ADAP1: variants seen among roughly 807,000 people sequenced by gnomAD.
ADAP1 encodes the protein ArfGAP with dual PH domains 1.
ADAP1 carries 31 observed loss-of-function variants against 54.9 expected under a neutral mutation model. The ratio of observed to expected loss-of-function variants is 0.56; its 90% confidence interval spans 0.42 to 0.76. The LOEUF is 0.76. Among genes scored for constraint, ADAP1 ranks in the 30% least tolerant of loss-of-function variants. The probability of loss-of-function intolerance (pLI) is 0.00; values close to 1 mark genes in which losing one functional copy is unlikely to be tolerated. For synonymous variants in ADAP1, 313 were observed against 202.6 expected (o/e 1.55, Z -4.63); for missense variants, 535 against 512.4 (o/e 1.04, Z -0.42).
intron 4 of ADAP1, among the ~76,000 whole-genome samples, chr7:906,741 GTACAT>G (rs1845448319): frequency 3.7e-5 from 1 of 26,974 alleles, no homozygotes; most frequent in African/African-American, 1.8e-4. Context: ...GGGGGACAGA[GTACAT>G]AGGGGACATG....
intron 1 of ADAP1, among the ~76,000 whole-genome samples, chr7:942,858 G>C (rs371408684): frequency 1.8e-4 from 2 of 11,034 alleles, no homozygotes; most frequent in Non-Finnish European, 1.9e-4. Flanking sequence ...AAGGGAGAGA[G>C]GAGGAGGAAG....
chr7:941,095 A>C (rs189832916), intron 1 of ADAP1, among the ~76,000 whole-genome samples: 13 of 152,342 alleles, frequency 8.5e-5, no homozygotes, highest in Admixed American at 5.9e-4. Context: ...AGATGCAAAA[A>C]ATGTTGGCAA....
Position 946,962 on chromosome 7 carries a change from C to T in ADAP1, c.82+7434G>A, listed in dbSNP as rs533500725. ...GCCTGGGCAACATAGTGAGACACCG[C>T]GACTCCATCCTTATGAAAAAATTTT... On this transcript the variant is annotated intron_variant, in intron 1 of 10. Transcript: ENST00000265846. The surrounding 1 kb of genome is among the most constrained non-coding windows in gnomAD (Gnocchi z 4.3). Among the ~76,000 whole-genome samples, 8 of 152,306 alleles carry T rather than the reference C, an allele frequency of 5.3e-5. No homozygotes were observed. The highest frequency in any genetic ancestry group is 2.1e-4 in the South Asian group (1 of 4,826).
rs1458786587 is a variant in ADAP1, at chr7:905,414, AG to A, written c.389-243del. Reference sequence around the variant, plus strand: ...AGGAGAAAGGAGAAAGGAGAAAGGGAGAAAGAGAAAGGAGAAAGGAGAAAGG... The same window carrying A: ...AGGAGAAAGGAGAAAGGAGAAAGGGAAAAGAGAAAGGAGAAAGGAGAAAGG... On this transcript the variant is annotated intron_variant, in intron 4 of 10. Coordinates refer to ENST00000265846, the MANE Select transcript of ADAP1 (RefSeq NM_006869.4). 6.9e-4 allele frequency: 78 copies of A among 112,822 alleles called. 7 individuals are homozygous for A. Among genetic ancestry groups the A allele is most frequent in the African/African-American group, 2.0e-3 (8 of 4,040 alleles). The allele number at this position is 112,822 out of a possible 1,614,324, so 7.0% of individuals were successfully genotyped here. A position where few individuals can be genotyped will look rare whatever the true frequency, so the allele number is the denominator to read the frequency against.
chr7:922,169 C>T (rs1439658721), intron 3 of ADAP1, among the ~76,000 whole-genome samples: 1 of 152,176 alleles, frequency 6.6e-6, no homozygotes, highest in Non-Finnish European at 1.5e-5. Flanking sequence ...CACGTGGTCA[C>T]GAGGAGGTGG....
At chr7:908,925 C>T (rs1005149172) in intron 4 of ADAP1, among the ~76,000 whole-genome samples, 1 of 152,206 alleles carries the variant, frequency 6.6e-6, no homozygotes, top group Admixed American at 6.5e-5. Flanking sequence ...CTGCCCAGGA[C>T]ACAGCGGGGG....
At chr7:931,773 G>GAAA (rs11367737) in intron 2 of ADAP1, among the ~76,000 whole-genome samples, 3 of 140,528 alleles carry the variant, frequency 2.1e-5, no homozygotes, top group Non-Finnish European at 4.6e-5. Flanking sequence ...AAAGTAGGGA[G>GAAA]AAAAAAAAAA....
chr7:922,411 C>G (rs1379100798), intron 3 of ADAP1, among the ~76,000 whole-genome samples: 1 of 152,176 alleles, frequency 6.6e-6, no homozygotes, highest in African/African-American at 2.4e-5. Flanking sequence ...GCGACTGCCT[C>G]CCCTAGGTGT....
chr7:930,791 C>G lies in ADAP1; in HGVS notation c.214-4147G>C, dbSNP rs116890817. 5.5e-3 allele frequency among the ~76,000 whole-genome samples: 802 copies of G among 147,116 alleles called. 6 individuals carry two copies. The highest frequency in any genetic ancestry group is 0.03 in the East Asian group (147 of 4,948). ...GTGAGATCACACCACTGTACTCCAG[C>G]CTGGGAGACAGTGAGACTGTCTCTA... On this transcript the variant is annotated intron_variant, in intron 2 of 10. Transcript: ENST00000265846.
chr7:900,896 G>A, intron 6 of ADAP1: 1 of 583,196 alleles, frequency 1.7e-6, no homozygotes, highest in African/African-American at 1.9e-5. Flanking sequence ...GCCGGGCCGG[G>A]CCGGGCTGGA....
intron 4 of ADAP1, among the ~76,000 whole-genome samples, chr7:907,792 G>A (rs1053711306): frequency 6.6e-6 from 1 of 152,190 alleles, no homozygotes; most frequent in Non-Finnish European, 1.5e-5. Context: ...CAGCAGCTGC[G>A]TGGCCAGGGT....
intron 4 of ADAP1, among the ~76,000 whole-genome samples, chr7:911,673 G>C (rs1398851938): frequency 0.18 from 28 of 156 alleles, 1 homozygote; most frequent in Non-Finnish European, 0.21. Context: ...GGGTCCCACG[G>C]AGGGCCAGGA....
intron 4 of ADAP1, among the ~76,000 whole-genome samples, chr7:909,478 A>G (rs2885735): frequency 0.89 from 121,994 of 137,498 alleles, 54,733 homozygotes; most frequent in African/African-American, 0.97. Flanking sequence ...GGCAATGACG[A>G]CGCAGGAGTG....
intron 4 of ADAP1, among the ~76,000 whole-genome samples, chr7:906,791 C>CAT (rs60095382): frequency 0.068 from 1,934 of 28,508 alleles, 225 homozygotes; most frequent in African/African-American, 0.15. Flanking sequence ...ACACGGGGGA[C>CAT]GGGACAGGGG....
At chr7:950,991 A>T (rs1375479301) in intron 1 of ADAP1, among the ~76,000 whole-genome samples, 2 of 151,910 alleles carry the variant, frequency 1.3e-5, no homozygotes, top group African/African-American at 4.8e-5. Flanking sequence ...GAGGTTCTGG[A>T]GATGATGGTG....
At position 919,664 on chromosome 7, in the gene ADAP1, G is replaced by T. The variant is rs1357418092; in HGVS notation, c.388+304C>A. Among the ~76,000 whole-genome samples, 5 of 97,808 alleles carry T rather than the reference G, an allele frequency of 5.1e-5. No individual in the cohort carries two copies. The Admixed American group carries it at 5.7e-4, about 11-fold the overall frequency. The allele number at this position is 97,808 out of a possible 152,430, so 64.2% of individuals were successfully genotyped here. A position where few individuals can be genotyped will look rare whatever the true frequency, so the allele number is the denominator to read the frequency against. On this transcript the variant is annotated intron_variant, in intron 4 of 10. Transcript: ENST00000265846. ...AGAAACAGAGACACAGAGAGATAAA[G>T]AGAGACAGAAGGAGGGAGAGAGAGA...
At chr7:942,505 T>G (rs1421626499) in intron 1 of ADAP1, among the ~76,000 whole-genome samples, 153 of 3,254 alleles carry the variant, frequency 0.047, no homozygotes, top group Admixed American at 0.063. Context: ...GGAGAGAGGA[T>G]GAGGAAGGGA....
In ADAP1 at chr7:945,749, C is replaced by A; in HGVS notation, c.82+8647G>T. ...CTCTTTCCCTCCCTCCTCCCAGCCC[C>A]GCTCTGCCCTACCTGCTCCCAGGAC... On this transcript the variant is annotated intron_variant, in intron 1 of 10. Coordinates refer to ENST00000265846, the MANE Select transcript of ADAP1 (RefSeq NM_006869.4). This position sits in a 1 kb window ranked among gnomAD's most constrained non-coding sequence, Gnocchi z 4.2. 1 of 986,006 alleles carries A rather than the reference C, an allele frequency of 1.0e-6. No individual in the cohort carries two copies. Among genetic ancestry groups the A allele is most frequent in the Non-Finnish European group, 1.2e-6 (1 of 830,216 alleles). The allele number at this position is 986,006 out of a possible 1,614,324, so 61.1% of individuals were successfully genotyped here.
intron 4 of ADAP1, among the ~76,000 whole-genome samples, chr7:910,830 T>C (rs1255525083): frequency 6.6e-6 from 1 of 152,154 alleles, no homozygotes; most frequent in African/African-American, 2.4e-5. Context: ...CCCTGATCAC[T>C]GCACCCCGGC....
Sources: allele counts gnomAD v4.1 joint callset (sites outside exome capture counted in the v4.1 genomes callset), GRCh38; gene constraint gnomAD v4.1.1; non-coding constraint Gnocchi (gnomAD v3.1); transcripts MANE v1.5; gene names NCBI Gene and HGNC (gene_info 2026-07-23, HGNC 2026-07-21).